CCSER2: variants seen among roughly 807,000 people sequenced by gnomAD.
CCSER2 encodes the protein coiled-coil serine rich protein 2.
Under a neutral mutation model 92.3 loss-of-function variants are expected in CCSER2, and 46 were observed. The ratio of observed to expected loss-of-function variants is 0.50; its 90% CI spans 0.39 to 0.64. The LOEUF is 0.64. Ranked by LOEUF, CCSER2 falls within the 30% of genes least tolerant of loss-of-function variation. The probability of loss-of-function intolerance (pLI) is 0.00; values close to 1 mark genes in which losing one functional copy is unlikely to be tolerated. For missense variants in CCSER2, 1,244 were observed against 1,238.9 expected, an observed-to-expected ratio of 1.00 and a Z score of -0.06; for synonymous variants, 433 against 431.4, an observed-to-expected ratio of 1.00 and a Z score of -0.04.
chr10:84,365,697 T>A (rs1026376093), intron 1 of CCSER2, among the ~76,000 whole-genome samples: 1 of 152,178 alleles, frequency 6.6e-6, no homozygotes, highest in Non-Finnish European at 1.5e-5. Context: ...ATACTGAAGA[T>A]GCTCTTGGGA....
intron 6 of CCSER2, among the ~76,000 whole-genome samples, chr10:84,446,720 G>T (rs1246642892): frequency 6.6e-6 from 1 of 152,266 alleles, no homozygotes; most frequent in Admixed American, 6.5e-5. Flanking sequence ...TAAGCTCCCT[G>T]TATGCTCCTT....
intron 3 of CCSER2, among the ~76,000 whole-genome samples, chr10:84,385,004 A>AACACACACAGAC (rs1841113798): frequency 6.9e-6 from 1 of 145,790 alleles, no homozygotes. Flanking sequence ...ATTTACAATA[A>AACACACACAGAC]ACACACACAC....
chr10:84,412,238 C>A (rs1356620554), intron 3 of CCSER2, among the ~76,000 whole-genome samples: 1 of 151,972 alleles, frequency 6.6e-6, no homozygotes, highest in Non-Finnish European at 1.5e-5. Flanking sequence ...AGGATATTGG[C>A]CTAAAGTTTT....
chr10:84,403,713 T>C (rs958036181), intron 3 of CCSER2, among the ~76,000 whole-genome samples: 2 of 152,072 alleles, frequency 1.3e-5, no homozygotes, highest in African/African-American at 2.4e-5. Flanking sequence ...AAATTGCAAA[T>C]TAAAATCACA....
In CCSER2 at chr10:84,463,832, G is replaced by A; in HGVS notation, c.2065-101G>A. 4.2e-6 allele frequency: 3 copies of A among 718,454 alleles called. No individual in the cohort carries two copies. In the South Asian group the frequency reaches 5.6e-5, roughly 13 times the overall value. The allele number at this position is 718,454 out of a possible 1,614,324, so 44.5% of individuals were successfully genotyped here. ...TTGTTCTTCACCATGCTAGCATTTG[G>A]TCTTCACCATGCTAGCATTTGGTCT... On this transcript the variant is annotated intron_variant, in intron 6 of 9. Transcript: ENST00000372088.
chr10:84,513,580 TCCGGAAGAAA>T lies in CCSER2; in HGVS notation c.2458_2467del (p.Pro820AlafsTer25). The T allele has an allele frequency of 6.2e-7, 1 of 1,613,858 alleles. No homozygotes were observed. Among genetic ancestry groups the T allele is most frequent in the Non-Finnish European group, 8.5e-7 (1 of 1,179,996 alleles). ...AAGACATGCATCAGGGCGGTGCACA[TCCGGAAGAAA>T]GCTTTACACACGTCTTGCACCAAGA... On this transcript the variant is annotated frameshift_variant, in exon 10 of 10. Transcript: ENST00000372088. LOFTEE classifies it high-confidence loss of function.
chr10:84,329,915 T>C (rs2132948940), intron 1 of CCSER2, among the ~76,000 whole-genome samples: 1 of 152,368 alleles, frequency 6.6e-6, no homozygotes, highest in East Asian at 1.9e-4. Context: ...AACATTGGCT[T>C]CAAATAATCT....
intron 9 of CCSER2, among the ~76,000 whole-genome samples, chr10:84,495,346 T>C (rs762202524): frequency 6.6e-6 from 1 of 152,222 alleles, no homozygotes; most frequent in Non-Finnish European, 1.5e-5. Flanking sequence ...TTCAATATTT[T>C]AACTTTGTTG....
intron 8 of CCSER2, among the ~76,000 whole-genome samples, chr10:84,472,413 A>C (rs1463350567): frequency 6.6e-6 from 1 of 152,074 alleles, no homozygotes; most frequent in African/African-American, 2.4e-5. Flanking sequence ...TACTAAAAAT[A>C]CAAAAAATTT....
At chr10:84,488,730 C>G (rs891885304) in intron 9 of CCSER2, among the ~76,000 whole-genome samples, 3 of 152,096 alleles carry the variant, frequency 2.0e-5, no homozygotes, top group Non-Finnish European at 4.4e-5. Flanking sequence ...TTTTTTGTGT[C>G]TATTTCCTTC....
At chr10:84,492,589 A>G (rs1316864835) in intron 9 of CCSER2, among the ~76,000 whole-genome samples, 1 of 152,174 alleles carries the variant, frequency 6.6e-6, no homozygotes, top group East Asian at 1.9e-4. Context: ...CTTTGGGTAG[A>G]TGTTAGCTAT....
intron 3 of CCSER2, chr10:84,389,573 C>T (rs756091130): frequency 3.1e-5 from 7 of 222,984 alleles, no homozygotes; most frequent in Non-Finnish European, 5.5e-5. Flanking sequence ...TACCTCGATA[C>T]ACCTCAGATA....
Position 84,487,908 on chromosome 10 carries a change from C to T in CCSER2, c.2325+10244C>T, listed in dbSNP as rs541264567. Reference sequence around the variant, plus strand: ...AAATAGTTCTGATTATTTTGAAATACGTCCCATCAATACCTAATTTATTGA... The same window carrying T: ...AAATAGTTCTGATTATTTTGAAATATGTCCCATCAATACCTAATTTATTGA... On this transcript the variant is annotated intron_variant, in intron 9 of 9. Transcript: ENST00000372088. Among the ~76,000 whole-genome samples, 17 of 152,210 alleles carry T rather than the reference C, an allele frequency of 1.1e-4. No individual in the cohort carries two copies. The South Asian group carries it at 2.1e-3, about 19-fold the overall frequency.
At chr10:84,443,452 C>T (rs1420384862) in intron 6 of CCSER2, among the ~76,000 whole-genome samples, 1 of 152,230 alleles carries the variant, frequency 6.6e-6, no homozygotes, top group African/African-American at 2.4e-5. Flanking sequence ...GATACCATCT[C>T]ATGCCAGTTA....
intron 1 of CCSER2, among the ~76,000 whole-genome samples, chr10:84,338,729 C>T (rs1228518745): frequency 6.6e-6 from 1 of 152,186 alleles, no homozygotes; most frequent in Non-Finnish European, 1.5e-5. Context: ...ATTTTGACAG[C>T]TACTCTTCTC....
intron 3 of CCSER2, among the ~76,000 whole-genome samples, chr10:84,385,546 C>G (rs932966959): frequency 6.6e-6 from 1 of 152,138 alleles, no homozygotes; most frequent in African/African-American, 2.4e-5. Flanking sequence ...GGCAGATTGG[C>G]TAGCCATGTG....
chr10:84,465,314 A>ATTTTTTT, intron 7 of CCSER2, among the ~76,000 whole-genome samples: 1 of 49,884 alleles, frequency 2.0e-5, no homozygotes, highest in Non-Finnish European at 3.5e-5. Flanking sequence ...ACATGTAAAG[A>ATTTTTTT]TTTTTTTTTT....
At chr10:84,391,608 C>T (rs1330813717) in intron 3 of CCSER2, 2 of 1,528,532 alleles carry the variant, frequency 1.3e-6, no homozygotes, top group African/African-American at 1.4e-5. Context: ...GAGATGCAGC[C>T]TTATATTCCT....
At chr10:84,462,013 T>G (rs903249479) in intron 6 of CCSER2, among the ~76,000 whole-genome samples, 1 of 152,228 alleles carries the variant, frequency 6.6e-6, no homozygotes, top group African/African-American at 2.4e-5. Flanking sequence ...CCAGCTCTGT[T>G]TTCAAAGCTT....
Sources: allele counts gnomAD v4.1 joint callset (sites outside exome capture counted in the v4.1 genomes callset), GRCh38; gene constraint gnomAD v4.1.1; transcripts MANE v1.5; gene names NCBI Gene and HGNC (gene_info 2026-07-23, HGNC 2026-07-21).